Variants in PROKR2 observed in about 807,000 individuals in gnomAD.
PROKR2 encodes prokineticin receptor 2, also known as G protein-coupled receptor 73-like 1.
PROKR2 carries 26 observed loss-of-function variants against 23.4 expected under a neutral mutation model. The observed-to-expected ratio is 1.11, with a 90% confidence interval of 0.81 to 1.54. PROKR2 has a LOEUF of 1.54. Ranked by LOEUF, PROKR2 falls within the 40% of genes most tolerant of loss-of-function variation. The pLI is 0.00. For synonymous variants in PROKR2, 212 were observed against 201.2 expected, an observed-to-expected ratio of 1.05 and a Z score of -0.45; for missense variants, 453 against 511.5, an observed-to-expected ratio of 0.89 and a Z score of 1.10.
Position 5,302,306 on chromosome 20 carries a change from C to T in PROKR2, c.889G>A (p.Val297Ile), listed in dbSNP as rs139399061. 751 of 1,614,108 alleles carry T rather than the reference C, an allele frequency of 4.7e-4. 6 individuals carry two copies. The highest frequency in any genetic ancestry group is 4.8e-4 in the South Asian group (44 of 91,090). ...AACACAGTGGGGAAGAAGTCACGAACGATGGTGAAACCGTAGAAGGGTGCC... is the reference window on the plus strand; with the variant it reads ...AACACAGTGGGGAAGAAGTCACGAATGATGGTGAAACCGTAGAAGGGTGCC... ...CWAPFYGFTI[V>I]RDFFPTVFVK... Residue 297 changes from valine to isoleucine, a missense_variant, in exon 3 of 3, where the codon GTT (valine) becomes ATT (isoleucine). Val to Ile is a conservative substitution (Grantham distance 29). Transcript: ENST00000678254.
At chr20:5,310,414 A>G (rs1273599472) in intron 2 of PROKR2, among the ~76,000 whole-genome samples, 1 of 152,100 alleles carries the variant, frequency 6.6e-6, no homozygotes, top group African/African-American at 2.4e-5. Context: ...CTCCCACCCT[A>G]CATGTGTTAG....
chr20:5,316,302 C>T lies in PROKR2; in HGVS notation c.-9+192G>A, dbSNP rs1387499051. On this transcript the variant is annotated intron_variant, in intron 1 of 2. Transcript: ENST00000678254. This position sits in a 1 kb window ranked among gnomAD's most constrained non-coding sequence, Gnocchi z 5.0. ...TCCGCTTACCGTACCCTACCCGGTC[C>T]TAGAGGGCCCAGAGGGGATCTCCTG... The T allele has an allele frequency of 2.2e-6, 1 of 456,714 alleles. No individual in the cohort carries two copies. The highest frequency in any genetic ancestry group is 2.3e-5 in the Admixed American group (1 of 42,590). 28.3% of individuals were successfully genotyped at this position (456,714 alleles called of 1,614,324 possible).
At chr20:5,308,593 A>G (rs7272157) in intron 2 of PROKR2, among the ~76,000 whole-genome samples, 77,333 of 151,798 alleles carry the variant, frequency 0.51, 19,970 homozygotes, top group African/African-American at 0.61. Context: ...CGGGGCTCTC[A>G]GCTCTGAAGG....
chr20:5,314,404 T>A, intron 1 of PROKR2, 27 bp from the exon 2 acceptor site: 26 of 1,543,946 alleles, frequency 1.7e-5, no homozygotes, highest in East Asian at 2.2e-5. Context: ...GTGAGGGAGG[T>A]GCGAGGGGTG....
chr20:5,313,075 G>A (rs992935130), intron 2 of PROKR2, among the ~76,000 whole-genome samples: 5 of 152,224 alleles, frequency 3.3e-5, no homozygotes, highest in Non-Finnish European at 7.4e-5. Flanking sequence ...TACCTTGGTT[G>A]ATCATTACAC....
In PROKR2 at chr20:5,314,372, T is replaced by G; in HGVS notation, c.-3A>C. ...GTGTTTCCATTCTGGGCTGCCATGG[T>G]GATGTCTGCAAGAAAAGTGGTGTGA... On this transcript the variant is annotated 5_prime_UTR_variant, in exon 2 of 3. Coordinates refer to ENST00000678254, the MANE Select transcript of PROKR2 (RefSeq NM_144773.4). The G allele has an allele frequency of 6.2e-7, 1 of 1,613,584 alleles. No homozygotes were observed. The highest frequency in any genetic ancestry group is 8.5e-7 in the Non-Finnish European group (1 of 1,179,902).
chr20:5,304,026 C>T (rs1600579189), intron 2 of PROKR2, among the ~76,000 whole-genome samples: 1 of 152,224 alleles, frequency 6.6e-6, no homozygotes, highest in South Asian at 2.1e-4. Context: ...AAAGCTAAAG[C>T]GGCAAAGGAG....
At chr20:5,309,465 C>T (rs73073735) in intron 2 of PROKR2, among the ~76,000 whole-genome samples, 77,411 of 151,772 alleles carry the variant, frequency 0.51, 20,028 homozygotes, top group African/African-American at 0.61. Context: ...AAGGGTCAAT[C>T]GAGTTTCTTG....
At chr20:5,307,293 C>A (rs1242064154) in intron 2 of PROKR2, among the ~76,000 whole-genome samples, 2 of 152,154 alleles carry the variant, frequency 1.3e-5, no homozygotes, top group Non-Finnish European at 2.9e-5. Context: ...CGGTGATCAC[C>A]ATTGCCATGA....
At chr20:5,313,302 CTT>C (rs1255280304) in intron 2 of PROKR2, among the ~76,000 whole-genome samples, 26 of 152,238 alleles carry the variant, frequency 1.7e-4, no homozygotes, top group Admixed American at 1.7e-3. Flanking sequence ...CAAGCGTGTC[CTT>C]TCCTCTTTTG....
rs1038579531 is a variant in PROKR2, at chr20:5,302,576, A to C, written c.619T>G (p.Phe207Val). The C allele has an allele frequency of 1.9e-6, 3 of 1,614,192 alleles. No homozygotes were observed. The highest frequency in any genetic ancestry group is 2.5e-6 in the Non-Finnish European group (3 of 1,180,034). The stretch of plus-strand genomic sequence containing the variant: ...TCCACAGGCCAGATCTGGCCACAGA[A>C]GATCTTCTCCTGGCTCTTGACAATA... ...LFIVKSQEKI[F>V]CGQIWPVDQQ... Residue 207 changes from phenylalanine (F) to valine (V), a missense_variant, in exon 3 of 3, where the codon TTC (phenylalanine) becomes GTC (valine). Coordinates refer to ENST00000678254, the MANE Select transcript of PROKR2 (RefSeq NM_144773.4).
chr20:5,305,506 C>G (rs1979185143), intron 2 of PROKR2, among the ~76,000 whole-genome samples: 1 of 152,188 alleles, frequency 6.6e-6, no homozygotes, highest in South Asian at 2.1e-4. Context: ...CTTCTGTTCC[C>G]TGCAAAGCAG....
intron 2 of PROKR2, among the ~76,000 whole-genome samples, chr20:5,313,560 A>C (rs1186402914): frequency 6.6e-6 from 1 of 152,234 alleles, no homozygotes; most frequent in African/African-American, 2.4e-5. Flanking sequence ...AAAGCCTAGT[A>C]CATGTTTTCC....
intron 1 of PROKR2, among the ~76,000 whole-genome samples, chr20:5,315,048 A>G (rs1183923915): frequency 2.0e-5 from 3 of 152,290 alleles, no homozygotes; most frequent in Non-Finnish European, 2.9e-5. Flanking sequence ...CCAGTGATTT[A>G]TGCTCTCTGA....
rs944525557 is a variant in PROKR2 at position 5,299,879 on chromosome 20, C to A, written c.*2161G>T. Among the ~76,000 whole-genome samples the A allele has an allele frequency of 6.6e-6, 1 of 152,182 alleles. No homozygotes were observed. Among genetic ancestry groups the A allele is most frequent in the Non-Finnish European group, 1.5e-5 (1 of 68,028 alleles). On this transcript the variant is annotated 3_prime_UTR_variant, in exon 3 of 3. Transcript: ENST00000678254. ...ACCTCAGGTGATCTGCCCATCTTGG[C>A]CTCCCGAAGTGCTGGGATTACAGAT...
Position 5,314,178 on chromosome 20 carries a change from C to T in PROKR2, c.192G>A (p.Met64Ile). ...IVIGIALAGI[M>I]LVCGIGNFVF... ...CAAAGTTACCGATGCCGCAGACCAG[C>T]ATGATGCCTGCCAGTGCAATGCCAA... The change falls in exon 2 of 3, where the codon ATG becomes ATA. Residue 64 changes from methionine (M) to isoleucine (I), a missense_variant. Coordinates refer to ENST00000678254, the MANE Select transcript of PROKR2 (RefSeq NM_144773.4). 2 of 1,614,224 alleles carry T rather than the reference C, an allele frequency of 1.2e-6. No homozygotes were observed. Among genetic ancestry groups the T allele is most frequent in the Non-Finnish European group, 1.7e-6 (2 of 1,180,036 alleles).
chr20:5,307,409 T>C (rs1269387018), intron 2 of PROKR2, among the ~76,000 whole-genome samples: 2 of 152,194 alleles, frequency 1.3e-5, no homozygotes, highest in Non-Finnish European at 2.9e-5. Flanking sequence ...TATGATGCAG[T>C]TACACATGCT....
intron 1 of PROKR2, among the ~76,000 whole-genome samples, chr20:5,315,543 G>T (rs1356861093): frequency 6.6e-6 from 1 of 152,128 alleles, no homozygotes; most frequent in Non-Finnish European, 1.5e-5. Flanking sequence ...ACCTGGAAAC[G>T]ACTCCACATG....
intron 2 of PROKR2, among the ~76,000 whole-genome samples, chr20:5,307,754 G>A (rs1315031742): frequency 2.0e-5 from 3 of 152,204 alleles, no homozygotes; most frequent in Non-Finnish European, 2.9e-5. Flanking sequence ...TGGTGGTATA[G>A]TGGCACCTCA....
Sources: allele counts gnomAD v4.1 joint callset (sites outside exome capture counted in the v4.1 genomes callset), GRCh38; gene constraint gnomAD v4.1.1; non-coding constraint Gnocchi (gnomAD v3.1); transcripts MANE v1.5; gene names NCBI Gene and HGNC (gene_info 2026-07-23, HGNC 2026-07-21).